Variants in PPFIBP1 observed in about 807,000 individuals in gnomAD.
PPFIBP1 encodes liprin-beta-1.
Under a neutral mutation model 137.8 loss-of-function variants are expected in PPFIBP1, and 112 were observed. The ratio of observed to expected loss-of-function variants is 0.81; its 90% CI spans 0.70 to 0.95. PPFIBP1 has a LOEUF of 0.95. Ranked by LOEUF, PPFIBP1 falls within the 40% of genes least tolerant of loss-of-function variation. PPFIBP1 has a pLI of 0.00. For synonymous variants in PPFIBP1, 378 were observed against 417.3 expected, an observed-to-expected ratio of 0.91 and a Z score of 1.15; for missense variants, 1,083 against 1,196.6, an observed-to-expected ratio of 0.91 and a Z score of 1.40.
At chr12:27,580,770 C>T (rs2051023883) in intron 2 of PPFIBP1, among the ~76,000 whole-genome samples, 1 of 152,164 alleles carries the variant, frequency 6.6e-6, no homozygotes, top group Non-Finnish European at 1.5e-5. Context: ...ACATGTCCCT[C>T]CCCAGGGTGA....
chr12:27,570,675 C>T (rs2050064287), intron 1 of PPFIBP1, among the ~76,000 whole-genome samples: 1 of 151,920 alleles, frequency 6.6e-6, no homozygotes. Flanking sequence ...GTACATAAGG[C>T]CAAGGTGGGC....
chr12:27,631,466 TTACTTGTATG>T (rs1463799890), intron 2 of PPFIBP1, among the ~76,000 whole-genome samples: 15 of 152,228 alleles, frequency 9.9e-5, no homozygotes, highest in Admixed American at 9.8e-4. Flanking sequence ...TATGTGTTTA[TTACTTGTATG>T]TACTGTCTTT....
chr12:27,631,222 G>A (rs2138935383), intron 2 of PPFIBP1, among the ~76,000 whole-genome samples: 1 of 152,076 alleles, frequency 6.6e-6, no homozygotes, highest in East Asian at 1.9e-4. Flanking sequence ...CCAAATGATT[G>A]TTCATATCCT....
intron 1 of PPFIBP1, among the ~76,000 whole-genome samples, chr12:27,525,500 T>A (rs177694): frequency 7.1e-6 from 1 of 141,636 alleles, no homozygotes; most frequent in African/African-American, 2.7e-5. Context: ...AGGCTCTCTT[T>A]TGGAGCAGGA....
intron 18 of PPFIBP1, 49 bp downstream of exon 18, chr12:27,676,648 A>G (rs757771850): frequency 2.1e-6 from 3 of 1,401,142 alleles, no homozygotes; most frequent in Non-Finnish European, 2.9e-6. Flanking sequence ...CAAGGAGGAA[A>G]AGAGCAGTGT....
intron 2 of PPFIBP1, among the ~76,000 whole-genome samples, chr12:27,612,558 G>A (rs1485864209): frequency 6.6e-6 from 1 of 151,874 alleles, no homozygotes; most frequent in African/African-American, 2.4e-5. Context: ...TATGTTGCCT[G>A]GCTGGTCTTG....
At chr12:27,606,468 A>G (rs2054534060) in intron 2 of PPFIBP1, among the ~76,000 whole-genome samples, 1 of 152,220 alleles carries the variant, frequency 6.6e-6, no homozygotes, top group Non-Finnish European at 1.5e-5. Context: ...TTGCCATTTG[A>G]TAGCTATTTT....
chr12:27,542,290 G>A (rs1945757802), intron 1 of PPFIBP1, among the ~76,000 whole-genome samples: 1 of 152,236 alleles, frequency 6.6e-6, no homozygotes, highest in African/African-American at 2.4e-5. Context: ...ATGGGAAGAT[G>A]TGTGTAGGTT....
intron 12 of PPFIBP1, 88 bp from the exon 13 acceptor site, chr12:27,667,078 C>G (rs953555477): frequency 1.9e-5 from 24 of 1,297,236 alleles, no homozygotes; most frequent in Middle Eastern, 2.9e-4. Context: ...ATTTTATATT[C>G]GTTATAATTG....
At chr12:27,688,190 T>C (rs2061313940) in intron 25 of PPFIBP1, 108 bp from the exon 26 acceptor site, 1 of 1,273,892 alleles carries the variant, frequency 7.8e-7, no homozygotes, top group Non-Finnish European at 1.1e-6. Context: ...AATTTTTCCC[T>C]TTCTTTTTGC....
At chr12:27,559,786 A>T (rs1260015690) in intron 1 of PPFIBP1, among the ~76,000 whole-genome samples, 1 of 152,214 alleles carries the variant, frequency 6.6e-6, no homozygotes, top group Non-Finnish European at 1.5e-5. Context: ...TAAATGGTGA[A>T]ATTTTTATGT....
At chr12:27,537,727 C>T (rs959752512) in intron 1 of PPFIBP1, among the ~76,000 whole-genome samples, 3 of 151,920 alleles carry the variant, frequency 2.0e-5, no homozygotes, top group African/African-American at 7.2e-5. Context: ...CTCTTGTTTC[C>T]TTGTCCTGCG....
At chr12:27,661,971 A>G (rs950589028) in intron 11 of PPFIBP1, among the ~76,000 whole-genome samples, 1 of 152,096 alleles carries the variant, frequency 6.6e-6, no homozygotes, top group East Asian at 1.9e-4. Context: ...TTTTTTTTAA[A>G]TCACTGAAAT....
At chr12:27,530,605 A>G (rs189692036) in intron 1 of PPFIBP1, among the ~76,000 whole-genome samples, 20 of 152,284 alleles carry the variant, frequency 1.3e-4, no homozygotes, top group Admixed American at 1.2e-3. Flanking sequence ...TGCCCAACTG[A>G]TATCCATTCC....
At chr12:27,605,417 G>A (rs1314753666) in intron 2 of PPFIBP1, among the ~76,000 whole-genome samples, 1 of 151,952 alleles carries the variant, frequency 6.6e-6, no homozygotes, top group African/African-American at 2.4e-5. Flanking sequence ...CACTGTGAGG[G>A]ACAGAAATAA....
intron 4 of PPFIBP1, chr12:27,635,548 C>T (rs755777277): frequency 2.1e-4 from 44 of 205,454 alleles, no homozygotes; most frequent in Non-Finnish European, 3.7e-4. Context: ...AGTATTTGAC[C>T]GGAAGTGCCA....
In PPFIBP1 at chr12:27,681,428, C is replaced by A. The variant is rs1593348568; in HGVS notation, c.1896-118C>A. On this transcript the variant is annotated intron_variant, in intron 21 of 29. Coordinates refer to ENST00000228425, the MANE Select transcript of PPFIBP1 (RefSeq NM_003622.4). ...TACTAAAAATTAAGCTTTTCATGGTCAAATGTGTATCACCAGGGAATTTCC... is the reference window on the plus strand; with the variant it reads ...TACTAAAAATTAAGCTTTTCATGGTAAAATGTGTATCACCAGGGAATTTCC... 6 of 1,194,910 alleles carry A rather than the reference C, an allele frequency of 5.0e-6. No homozygotes were observed. In the East Asian group the frequency reaches 1.4e-4, roughly 28 times the overall value. The allele number at this position is 1,194,910 out of a possible 1,614,324, so 74.0% of individuals were successfully genotyped here.
At chr12:27,672,018 C>A (rs60733774) in intron 14 of PPFIBP1, among the ~76,000 whole-genome samples, 18,949 of 152,010 alleles carry the variant, frequency 0.12, 1,644 homozygotes, top group East Asian at 0.29. Context: ...CTGAAGTGAG[C>A]CGAGATCACA....
intron 19 of PPFIBP1, among the ~76,000 whole-genome samples, chr12:27,679,182 A>T (rs1027135888): frequency 3.2e-4 from 48 of 152,332 alleles, no homozygotes; most frequent in African/African-American, 1.1e-3. Context: ...AATCAACAGT[A>T]CCACGTGCTA....
Sources: allele counts gnomAD v4.1 joint callset (sites outside exome capture counted in the v4.1 genomes callset), GRCh38; gene constraint gnomAD v4.1.1; transcripts MANE v1.5; gene names NCBI Gene and HGNC (gene_info 2026-07-23, HGNC 2026-07-21).